The following EDA variants were observed in gnomAD, a reference collection of about 807,000 sequenced individuals.
The protein encoded by EDA is ectodysplasin-A.
In EDA, 2 loss-of-function variants were observed where a neutral mutation model predicts 23.6. That is an observed-to-expected ratio of 0.08 (90% CI 0.03 to 0.27). EDA has a LOEUF of 0.27. Among genes scored for constraint, EDA ranks in the 10% least tolerant of loss-of-function variants. The pLI, the probability that EDA is intolerant of heterozygous loss-of-function variation, is 1.00. For synonymous variants in EDA, 131 were observed against 132.0 expected (o/e 0.99, Z 0.05); for missense variants, 229 against 324.2 (o/e 0.71, Z 2.26).
intron 2 of EDA, among the ~76,000 whole-genome samples, chrX:69,997,456 G>C (rs905492035): frequency 8.9e-6 from 1 of 112,170 alleles, no homozygotes. Context: ...GCTGTTAAAA[G>C]CATTTAGTTT....
chrX:69,850,630 A>G (rs1473711709), intron 1 of EDA, among the ~76,000 whole-genome samples: 3 of 111,863 alleles, frequency 2.7e-5, no homozygotes, highest in South Asian at 3.7e-4. Flanking sequence ...TATATATTCC[A>G]TAGTCATTGG....
intron 2 of EDA, among the ~76,000 whole-genome samples, chrX:70,009,564 G>GGTTTT (rs61286017): frequency 0.044 from 4,696 of 107,501 alleles, 184 homozygotes; most frequent in East Asian, 0.17. Context: ...TGTTTGTTTG[G>GGTTTT]GTTTTGTTTT....
At chrX:69,730,618 C>A (rs1253980565) in intron 1 of EDA, among the ~76,000 whole-genome samples, 1 of 112,079 alleles carries the variant, frequency 8.9e-6, no homozygotes, top group Non-Finnish European at 1.9e-5. Context: ...TTTACTTTCA[C>A]AATGAAACTT....
At chrX:70,000,904 A>T (rs1361072403) in intron 2 of EDA, among the ~76,000 whole-genome samples, 1 of 111,804 alleles carries the variant, frequency 8.9e-6, no homozygotes, top group Non-Finnish European at 1.9e-5. Context: ...TATGTGTTCA[A>T]TTTCCCTGGA....
At chrX:70,003,747 T>G (rs1480342107) in intron 2 of EDA, among the ~76,000 whole-genome samples, 1 of 112,186 alleles carries the variant, frequency 8.9e-6, no homozygotes, top group Non-Finnish European at 1.9e-5. Context: ...ATCCCCTTTT[T>G]GAAGAGTCAC....
At chrX:69,714,206 C>G (rs138841539) in intron 1 of EDA, among the ~76,000 whole-genome samples, 132 of 111,171 alleles carry the variant, frequency 1.2e-3, no homozygotes, top group African/African-American at 4.0e-3. Flanking sequence ...TCTGCAATCT[C>G]TGTGTCCTCT....
chrX:69,702,596 TGAGA>T (rs1170147513), intron 1 of EDA, among the ~76,000 whole-genome samples: 1 of 108,383 alleles, frequency 9.2e-6, no homozygotes, highest in African/African-American at 3.4e-5. Context: ...TAAAGGTGGT[TGAGA>T]GAGAGAGGAG....
In EDA at chrX:69,826,344, G is replaced by T. The variant is rs1348485069; in HGVS notation, c.397-130683G>T. On this transcript the variant is annotated intron_variant, in intron 1 of 7. Coordinates refer to ENST00000374552, the MANE Select transcript of EDA (RefSeq NM_001399.5). ...AATGTGTGGGAGTCTAAGTCTCTTT[G>T]TAGGTCACTCAGGACTTGCTTTATG... Among the ~76,000 whole-genome samples, 3 of 109,679 alleles carry T rather than the reference G, an allele frequency of 2.7e-5. No homozygotes were observed. The Admixed American group carries it at 2.9e-4, about 11-fold the overall frequency.
At chrX:69,696,405 C>T (rs905022849) in intron 1 of EDA, among the ~76,000 whole-genome samples, 4 of 111,988 alleles carry the variant, frequency 3.6e-5, no homozygotes, top group African/African-American at 1.3e-4. Flanking sequence ...CATAAAATTA[C>T]TTTCATAAGA....
At chrX:69,877,607 A>G (rs75383660) in intron 1 of EDA, among the ~76,000 whole-genome samples, 4,298 of 110,191 alleles carry the variant, frequency 0.039, 69 homozygotes, top group Non-Finnish European at 0.053. Context: ...ATTTGTAAAT[A>G]TTTTTTCTCA....
In EDA at chrX:70,038,133, C is replaced by T. The variant is rs746775411; in HGVS notation, c.*2524C>T. 2 of 111,330 alleles carry T rather than the reference C, an allele frequency of 1.8e-5. No individual in the cohort carries two copies. Among genetic ancestry groups the T allele is most frequent in the Non-Finnish European group, 3.8e-5 (2 of 53,100 alleles). 9.2% of individuals were successfully genotyped at this position (111,330 alleles called of 1,213,427 possible). On this transcript the variant is annotated 3_prime_UTR_variant, in exon 8 of 8. Coordinates refer to ENST00000374552, the MANE Select transcript of EDA (RefSeq NM_001399.5). ...GAAGACCTGAAAGAGAGGACTGGTTCTGAGGCCAGAAAGGTGTGAGGAGAG... is the reference window on the plus strand; with the variant it reads ...GAAGACCTGAAAGAGAGGACTGGTTTTGAGGCCAGAAAGGTGTGAGGAGAG...
chrX:69,669,507 T>C (rs1462077351), intron 1 of EDA, among the ~76,000 whole-genome samples: 2 of 111,839 alleles, frequency 1.8e-5, no homozygotes, highest in African/African-American at 6.5e-5. Flanking sequence ...AATAAACTAT[T>C]TTAAGCTAAT....
chrX:69,936,800 A>G (rs1384396084), intron 1 of EDA, among the ~76,000 whole-genome samples: 1 of 111,960 alleles, frequency 8.9e-6, no homozygotes, highest in Non-Finnish European at 1.9e-5. Flanking sequence ...ATTTAGGAAA[A>G]GGGAGAAATA....
chrX:69,972,563 G>A (rs763820639), intron 2 of EDA, among the ~76,000 whole-genome samples: 2 of 111,588 alleles, frequency 1.8e-5, no homozygotes, highest in South Asian at 3.8e-4. Context: ...CAGTCACTGG[G>A]GCAGTAAAAT....
chrX:70,029,588 A>G (rs1206309407), intron 5 of EDA, 50 bp downstream of exon 5: 1 of 1,146,619 alleles, frequency 8.7e-7, no homozygotes. Flanking sequence ...GCCACAGGCT[A>G]GAGCCACCTT....
chrX:69,841,426 A>G (rs1018898176), intron 1 of EDA, among the ~76,000 whole-genome samples: 8 of 111,879 alleles, frequency 7.2e-5, no homozygotes, highest in African/African-American at 2.6e-4. Flanking sequence ...GTCTCACTTT[A>G]TTACCCAGGC....
At chrX:69,895,427 CACACACACTGATGCACAT>C (rs1246863091) in intron 1 of EDA, among the ~76,000 whole-genome samples, 8 of 97,271 alleles carry the variant, frequency 8.2e-5, no homozygotes, top group Non-Finnish European at 1.7e-4. Flanking sequence ...CACACACACA[CACACACACTGATGCACAT>C]ACCCTTATCA....
chrX:69,943,430 G>C (rs1372703094), intron 1 of EDA, among the ~76,000 whole-genome samples: 1 of 111,732 alleles, frequency 8.9e-6, no homozygotes, highest in African/African-American at 3.3e-5. Flanking sequence ...CAGACTCATA[G>C]AGGTACCACC....
chrX:69,844,191 G>C (rs1000919741), intron 1 of EDA, among the ~76,000 whole-genome samples: 3 of 111,319 alleles, frequency 2.7e-5, no homozygotes, highest in Non-Finnish European at 5.7e-5. Flanking sequence ...AAGACCTCTG[G>C]CCCAATTTTG....
Sources: gnomAD v4.1 joint callset for allele counts (sites outside exome capture counted in the v4.1 genomes callset) on GRCh38, gnomAD v4.1.1 for gene constraint, MANE v1.5 for transcripts, NCBI Gene and HGNC (gene_info 2026-07-23, HGNC 2026-07-21) for gene names.